The following ALMS1 variants were observed in gnomAD, a reference collection of about 807,000 sequenced individuals.
The protein encoded by ALMS1 is centrosome-associated protein ALMS1.
Under a neutral mutation model 352.2 loss-of-function variants are expected in ALMS1, and 271 were observed. The ratio of observed to expected loss-of-function variants is 0.77; its 90% confidence interval spans 0.70 to 0.85. The LOEUF (loss-of-function observed/expected upper bound fraction) is 0.85. Among genes scored for constraint, ALMS1 ranks in the 40% least tolerant of loss-of-function variants. The pLI is 0.00. For missense variants in ALMS1, 5,445 were observed against 4,870.7 expected, an observed-to-expected ratio of 1.12 and a Z score of -3.51; for synonymous variants, 1,865 against 1,761.2, an observed-to-expected ratio of 1.06 and a Z score of -1.48.
chr2:73,393,615 A>G (rs1257355126), intron 1 of ALMS1, among the ~76,000 whole-genome samples: 1 of 151,922 alleles, frequency 6.6e-6, no homozygotes, highest in East Asian at 1.9e-4. Flanking sequence ...CTGCTTCCAC[A>G]TGTACTTGTT....
chr2:73,598,082 A>G (rs1245070561), intron 16 of ALMS1, among the ~76,000 whole-genome samples: 1 of 152,250 alleles, frequency 6.6e-6, no homozygotes, highest in African/African-American at 2.4e-5. Context: ...CTCAGTAAAG[A>G]CATCTGTTTT....
chr2:73,525,076 A>T (rs1259319728), intron 11 of ALMS1, among the ~76,000 whole-genome samples: 1 of 151,616 alleles, frequency 6.6e-6, no homozygotes, highest in African/African-American at 2.4e-5. Flanking sequence ...GGATCTCATT[A>T]TTTTTTTTGG....
intron 12 of ALMS1, among the ~76,000 whole-genome samples, chr2:73,541,078 A>G (rs1334514483): frequency 2.6e-5 from 4 of 152,236 alleles, no homozygotes; most frequent in Admixed American, 2.6e-4. Context: ...CAGTCTTCTC[A>G]GTACCATACC....
chr2:73,568,136 A>G (rs553754332), intron 15 of ALMS1, among the ~76,000 whole-genome samples: 44 of 152,208 alleles, frequency 2.9e-4, no homozygotes, highest in Non-Finnish European at 5.0e-4. Flanking sequence ...GTCTTAATAA[A>G]GAATGTACTA....
At position 73,408,643 on chromosome 2, in the gene ALMS1, G is replaced by A. The variant is rs752342634; in HGVS notation, c.346G>A (p.Val116Ile). 7 of 1,613,294 alleles carry A rather than the reference G, an allele frequency of 4.3e-6. No individual in the cohort carries two copies. Among genetic ancestry groups the A allele is most frequent in the East Asian group, 2.2e-5 (1 of 44,824 alleles). The change falls in exon 2 of 23, where the codon GTA becomes ATA. Residue 116 changes from valine to isoleucine, a missense_variant. Transcript: ENST00000613296. ...LEKIVPLTCH[V>I]WQQIVYQGNS... Reference sequence around the variant, plus strand: ...TCAGATTGTTCCATTGACCTGTCATGTATGGCAACAGATAGTATATCAAGG... The same window carrying A: ...TCAGATTGTTCCATTGACCTGTCATATATGGCAACAGATAGTATATCAAGG...
Position 73,450,846 on chromosome 2 carries a change from A to C in ALMS1, c.4319A>C (p.Gln1440Pro), listed in dbSNP as rs1295926320. ...SHTEKPGSFY[Q>P]QVLPHSHLPE... ...ACAGAGAAGCCTGGTAGTTTCTACCAACAGGTCTTGCCACATAGTCATCTA... is the reference window on the plus strand; with the variant it reads ...ACAGAGAAGCCTGGTAGTTTCTACCCACAGGTCTTGCCACATAGTCATCTA... Residue 1440 changes from glutamine (Q) to proline (P), a missense_variant, in exon 8 of 23, where the codon CAA becomes CCA. Physicochemically the swap from Gln to Pro is moderately conservative, Grantham distance 76. Coordinates refer to ENST00000613296, the MANE Select transcript of ALMS1 (RefSeq NM_001378454.1). 1 of 1,614,174 alleles carries C rather than the reference A, an allele frequency of 6.2e-7. No homozygotes were observed. Among genetic ancestry groups the C allele is most frequent in the Non-Finnish European group, 8.5e-7 (1 of 1,180,006 alleles).
At chr2:73,552,238 T>A (rs1264154393) in intron 13 of ALMS1, among the ~76,000 whole-genome samples, 3 of 152,208 alleles carry the variant, frequency 2.0e-5, no homozygotes, top group African/African-American at 7.2e-5. Flanking sequence ...CAAAACACAG[T>A]GAAGTCTTTT....
intron 10 of ALMS1, among the ~76,000 whole-genome samples, chr2:73,507,897 T>G (rs1281584435): frequency 6.6e-6 from 1 of 152,178 alleles, no homozygotes; most frequent in Non-Finnish European, 1.5e-5. Context: ...CTTTCCTGCT[T>G]TCTCCTGTGG....
At chr2:73,505,613 T>C (rs554431323) in intron 10 of ALMS1, among the ~76,000 whole-genome samples, 1 of 152,202 alleles carries the variant, frequency 6.6e-6, no homozygotes, top group East Asian at 1.9e-4. Flanking sequence ...GTTTTCATTC[T>C]TAAGTAAATT....
At chr2:73,467,440 A>G (rs946155589) in intron 9 of ALMS1, among the ~76,000 whole-genome samples, 2 of 152,256 alleles carry the variant, frequency 1.3e-5, no homozygotes, top group South Asian at 4.1e-4. Flanking sequence ...AGCTAAAATT[A>G]AAAAGAACAA....
At position 73,490,765 on chromosome 2, in the gene ALMS1, C is replaced by T; in HGVS notation, c.8806C>T (p.Pro2936Ser). The change falls in exon 10 of 23, where the codon CCA (proline) becomes TCA (serine). Residue 2936 changes from proline to serine, a missense_variant. Pro to Ser is a moderately conservative substitution (Grantham distance 74, BLOSUM62 -1). Coordinates refer to ENST00000613296, the MANE Select transcript of ALMS1 (RefSeq NM_001378454.1). ...QRELFEQCKA[P>S]YVDHQMRENH... Reference sequence around the variant, plus strand: ...AGAACTCTTTGAACAGTGCAAAGCCCCATATGTAGATCATCAAATGAGAGA... The same window carrying T: ...AGAACTCTTTGAACAGTGCAAAGCCTCATATGTAGATCATCAAATGAGAGA... 1 of 1,614,060 alleles carries T rather than the reference C, an allele frequency of 6.2e-7. No homozygotes were observed. Among genetic ancestry groups the T allele is most frequent in the Non-Finnish European group, 8.5e-7 (1 of 1,180,020 alleles).
chr2:73,498,487 T>C (rs1400586881), intron 10 of ALMS1, among the ~76,000 whole-genome samples: 2 of 151,148 alleles, frequency 1.3e-5, no homozygotes, highest in East Asian at 1.9e-4. Context: ...TGTTACATAG[T>C]AGGTCTTATT....
chr2:73,396,601 A>G (rs1670766546), intron 1 of ALMS1, among the ~76,000 whole-genome samples: 1 of 107,710 alleles, frequency 9.3e-6, no homozygotes, highest in South Asian at 2.7e-4. Flanking sequence ...TTTAATTACT[A>G]AATCACTCTT....
In ALMS1 at chr2:73,496,596, C is replaced by T. The variant is rs868156568; in HGVS notation, c.9539+5098C>T. ...ACAGTAAATACTAAGAAAGAGGATT[C>T]CTGAGTTATATGGTACAGGTGTATA... On this transcript the variant is annotated intron_variant, in intron 10 of 22. Transcript: ENST00000613296. 5.7e-4 allele frequency among the ~76,000 whole-genome samples: 87 copies of T among 152,066 alleles called. 2 individuals are homozygous for T. Among genetic ancestry groups the T allele is most frequent in the African/African-American group, 2.0e-3 (82 of 41,514 alleles).
chr2:73,601,157 G>A, intron 18 of ALMS1, 38 bp from the exon 19 acceptor site: 1 of 1,613,542 alleles, frequency 6.2e-7, no homozygotes, highest in Non-Finnish European at 8.5e-7. Flanking sequence ...GTAAAAAAGT[G>A]AAAAATCTGT....
intron 11 of ALMS1, among the ~76,000 whole-genome samples, chr2:73,529,302 C>T (rs947030535): frequency 6.6e-6 from 1 of 152,130 alleles, no homozygotes. Context: ...CCTCGGCCTC[C>T]CAAAGTGTTG....
intron 11 of ALMS1, among the ~76,000 whole-genome samples, chr2:73,522,560 TC>T (rs1440068247): frequency 1.3e-5 from 2 of 149,392 alleles, no homozygotes; most frequent in Non-Finnish European, 3.0e-5. Context: ...ACCTGCATCT[TC>T]CGGGTTCAAG....
chr2:73,577,148 T>C (rs1675070595), intron 16 of ALMS1, among the ~76,000 whole-genome samples: 1 of 152,214 alleles, frequency 6.6e-6, no homozygotes, highest in African/African-American at 2.4e-5. Flanking sequence ...ATCAGGGTAC[T>C]ACTGGCCTTA....
At chr2:73,595,022 C>T (rs1429952330) in intron 16 of ALMS1, among the ~76,000 whole-genome samples, 1 of 152,166 alleles carries the variant, frequency 6.6e-6, no homozygotes, top group Non-Finnish European at 1.5e-5. Flanking sequence ...GTATGTTATT[C>T]CTTTTGAACT....
Sources: allele counts gnomAD v4.1 joint callset (sites outside exome capture counted in the v4.1 genomes callset), GRCh38; gene constraint gnomAD v4.1.1; transcripts MANE v1.5; gene names NCBI Gene and HGNC (gene_info 2026-07-23, HGNC 2026-07-21).